The following BMPR2 variants were observed in gnomAD, a reference collection of about 807,000 sequenced individuals.
BMPR2 encodes bone morphogenetic protein receptor type-2.
A neutral mutation model predicts 100.8 loss-of-function variants in BMPR2; 29 were observed. The observed-to-expected ratio is 0.29, with a 90% confidence interval of 0.21 to 0.39. BMPR2 has a LOEUF of 0.39. Ranked by LOEUF, BMPR2 falls within the 10% of genes least tolerant of loss-of-function variation. The pLI, the probability that BMPR2 is intolerant of heterozygous loss-of-function variation, is 1.00. For synonymous variants in BMPR2, 382 were observed against 442.3 expected (o/e 0.86, Z 1.71); for missense variants, 1,011 against 1,274.5 (o/e 0.79, Z 3.15).
intron 10 of BMPR2, among the ~76,000 whole-genome samples, chr2:202,543,234 T>TTATATACATATATATTTTTATATATATG (rs1559070553): frequency 4.8e-5 from 7 of 147,012 alleles, no homozygotes; most frequent in African/African-American, 1.7e-4. Flanking sequence ...ATATATATAT[T>TTATATACATATATATTTTTATATATATG]TATATACATA....
intron 12 of BMPR2, among the ~76,000 whole-genome samples, chr2:202,559,303 CA>C (rs373462571): frequency 0.088 from 12,232 of 139,574 alleles, 634 homozygotes; most frequent in Non-Finnish European, 0.13. Context: ...CTCCATCCCC[CA>C]AAAAAAAAAA....
intron 12 of BMPR2, 73 bp downstream of exon 12, chr2:202,556,604 A>G (rs1688577545): frequency 6.7e-7 from 1 of 1,498,902 alleles, no homozygotes; most frequent in South Asian, 1.1e-5. Flanking sequence ...AGAATCAACT[A>G]ATAGATATAT....
chr2:202,494,892 C>T (rs1692989602), intron 3 of BMPR2, among the ~76,000 whole-genome samples: 1 of 152,092 alleles, frequency 6.6e-6, no homozygotes, highest in African/African-American at 2.4e-5. Context: ...TGAAATTTAA[C>T]CAATCATATG....
rs981998539 is a variant in BMPR2 at position 202,567,655 on chromosome 2, T to C, written c.*7709T>C. On this transcript the variant is annotated 3_prime_UTR_variant, in exon 13 of 13. Coordinates refer to ENST00000374580, the MANE Select transcript of BMPR2 (RefSeq NM_001204.7). ...AAAGATTGTATTGATACAGAGACAT[T>C]GGAGAAGGAGATTTTAAGGCAGTTC... 3.3e-5 allele frequency: 5 copies of C among 152,624 alleles called. No individual in the cohort carries two copies. The highest frequency in any genetic ancestry group is 5.9e-5 in the Non-Finnish European group (4 of 68,030). The allele number at this position is 152,624 out of a possible 1,614,324, so 9.5% of individuals were successfully genotyped here.
intron 1 of BMPR2, among the ~76,000 whole-genome samples, chr2:202,414,778 C>T (rs1452496740): frequency 6.6e-6 from 1 of 152,036 alleles, no homozygotes; most frequent in African/African-American, 2.4e-5. Flanking sequence ...CTCCCTCTGT[C>T]GCCCAGGCTG....
intron 3 of BMPR2, among the ~76,000 whole-genome samples, chr2:202,502,696 C>G (rs1419239585): frequency 6.6e-6 from 1 of 152,232 alleles, no homozygotes; most frequent in Non-Finnish European, 1.5e-5. Flanking sequence ...GAGGCCTAGA[C>G]CTCCTCACTG....
chr2:202,493,330 ACT>A (rs1357411862), intron 3 of BMPR2, among the ~76,000 whole-genome samples: 3 of 152,004 alleles, frequency 2.0e-5, no homozygotes, highest in East Asian at 1.9e-4. Flanking sequence ...AGAGTAACAG[ACT>A]CTGTTCTATC....
chr2:202,423,538 C>A (rs987137024), intron 1 of BMPR2, among the ~76,000 whole-genome samples: 2 of 151,314 alleles, frequency 1.3e-5, no homozygotes, highest in Non-Finnish European at 3.0e-5. Flanking sequence ...ATTGCTTGAG[C>A]CCAGGAGTTC....
At chr2:202,465,246 G>A (rs1192565338) in intron 2 of BMPR2, among the ~76,000 whole-genome samples, 1 of 151,836 alleles carries the variant, frequency 6.6e-6, no homozygotes, top group Non-Finnish European at 1.5e-5. Flanking sequence ...AAAATTAGTC[G>A]GGTATGGTGG....
intron 3 of BMPR2, among the ~76,000 whole-genome samples, chr2:202,504,209 C>T (rs1342126112): frequency 3.3e-5 from 5 of 152,108 alleles, no homozygotes; most frequent in East Asian, 1.9e-4. Flanking sequence ...AGTGGTAACC[C>T]GCTTGGGTCC....
At chr2:202,479,438 C>G (rs1424059406) in intron 3 of BMPR2, among the ~76,000 whole-genome samples, 1 of 152,198 alleles carries the variant, frequency 6.6e-6, no homozygotes, top group South Asian at 2.1e-4. Context: ...CCCATAGAAA[C>G]TGTGAGATAA....
chr2:202,448,463 T>A lies in BMPR2; in HGVS notation c.77-16346T>A, dbSNP rs1375254686. ...CTCCGTCTCAAAAAAAAAATAAAAA[T>A]AAAAAATAAAAAAAAAAAAGTGTTG... On this transcript the variant is annotated intron_variant, in intron 1 of 12. Transcript: ENST00000374580. Among the ~76,000 whole-genome samples the A allele has an allele frequency of 3.3e-3, 457 of 139,124 alleles. 1 individual carries two copies. Among genetic ancestry groups the A allele is most frequent in the African/African-American group, 8.0e-3 (306 of 38,178 alleles). The allele number at this position is 139,124 out of a possible 152,430, so 91.3% of individuals were successfully genotyped here. A position where few individuals can be genotyped will look rare whatever the true frequency, so the allele number is the denominator to read the frequency against.
chr2:202,433,093 G>T (rs1463401888), intron 1 of BMPR2, among the ~76,000 whole-genome samples: 1 of 150,524 alleles, frequency 6.6e-6, no homozygotes, highest in Non-Finnish European at 1.5e-5. Flanking sequence ...CTGCCAGCTG[G>T]TAAGGTAGCA....
At chr2:202,497,444 A>G (rs1693062638) in intron 3 of BMPR2, among the ~76,000 whole-genome samples, 1 of 152,114 alleles carries the variant, frequency 6.6e-6, no homozygotes, top group African/African-American at 2.4e-5. Flanking sequence ...CAGAGTAAAG[A>G]CACGGGTGTC....
At position 202,546,499 on chromosome 2, in the gene BMPR2, C is replaced by T. The variant is rs184928253; in HGVS notation, c.1413+4052C>T. Reference sequence around the variant, plus strand: ...CATGAAAATGTTAAACCATAGTTATCTCTGAATATTGAGTTCATAAATGAC... The same window carrying T: ...CATGAAAATGTTAAACCATAGTTATTTCTGAATATTGAGTTCATAAATGAC... On this transcript the variant is annotated intron_variant, in intron 10 of 12. Transcript: ENST00000374580. 1.5e-3 allele frequency among the ~76,000 whole-genome samples: 231 copies of T among 152,308 alleles called. 1 individual carries two copies. Among genetic ancestry groups the T allele is most frequent in the Admixed American group, 0.013 (197 of 15,300 alleles).
At chr2:202,519,439 A>G (rs1341586522) in intron 6 of BMPR2, among the ~76,000 whole-genome samples, 2 of 152,380 alleles carry the variant, frequency 1.3e-5, no homozygotes, top group Non-Finnish European at 2.9e-5. Flanking sequence ...TATTACAGAT[A>G]GAGCATTGCT....
At chr2:202,395,841 C>CAGGAGGATCGACTTGA (rs1690647227) in intron 1 of BMPR2, among the ~76,000 whole-genome samples, 1 of 152,150 alleles carries the variant, frequency 6.6e-6, no homozygotes, top group Non-Finnish European at 1.5e-5. Flanking sequence ...GAGGCTGAGG[C>CAGGAGGATCGACTTGA]AGGAGGATCG....
chr2:202,378,917 T>C (rs1353443853), intron 1 of BMPR2, among the ~76,000 whole-genome samples: 2 of 152,222 alleles, frequency 1.3e-5, no homozygotes, highest in South Asian at 2.1e-4. Context: ...TTCAATGTTA[T>C]TTGTTATTCT....
At chr2:202,508,625 G>A (rs1007656880) in intron 3 of BMPR2, among the ~76,000 whole-genome samples, 2 of 152,220 alleles carry the variant, frequency 1.3e-5, no homozygotes, top group Non-Finnish European at 2.9e-5. Flanking sequence ...CATATGAGAA[G>A]TCAGATGAGT....
Sources: allele counts gnomAD v4.1 joint callset (sites outside exome capture counted in the v4.1 genomes callset), GRCh38; gene constraint gnomAD v4.1.1; transcripts MANE v1.5; gene names NCBI Gene and HGNC (gene_info 2026-07-23, HGNC 2026-07-21).